The following KLHL8 variants were observed in gnomAD, a reference collection of about 807,000 sequenced individuals.
KLHL8 encodes the protein kelch like family member 8.
A neutral mutation model predicts 63.5 loss-of-function variants in KLHL8; 38 were observed. That is an observed-to-expected ratio of 0.60 (90% confidence interval 0.46 to 0.78). The LOEUF is 0.78. Among genes scored for constraint, KLHL8 ranks in the 30% least tolerant of loss-of-function variants. KLHL8 has a pLI of 0.00. For synonymous variants in KLHL8, 224 were observed against 254.3 expected (o/e 0.88, Z 1.13); for missense variants, 566 against 752.4 (o/e 0.75, Z 2.90).
At chr4:87,227,520 T>C (rs1369477265) in intron 1 of KLHL8, among the ~76,000 whole-genome samples, 1 of 152,198 alleles carries the variant, frequency 6.6e-6, no homozygotes, top group Admixed American at 6.5e-5. Context: ...GGTGTTGGTA[T>C]GTACCTATAG....
intron 1 of KLHL8, among the ~76,000 whole-genome samples, chr4:87,231,483 TCCCACCTGTGAACAGTAATGTTCAC>T (rs1443598303): frequency 5.5e-4 from 84 of 152,278 alleles, no homozygotes; most frequent in Middle Eastern, 6.8e-3. Flanking sequence ...GATGTGATAA[TCCCACCTGTGAACAGTAATGTTCAC>T]CCCACCTGTG....
chr4:87,237,346 A>G (rs1221413062), intron 1 of KLHL8, among the ~76,000 whole-genome samples: 1 of 152,258 alleles, frequency 6.6e-6, no homozygotes, highest in Non-Finnish European at 1.5e-5. Context: ...TAAATAAATA[A>G]TGAGATACTT....
chr4:87,211,070 T>C (rs1732386471), intron 1 of KLHL8, among the ~76,000 whole-genome samples: 1 of 152,208 alleles, frequency 6.6e-6, no homozygotes, highest in African/African-American at 2.4e-5. Context: ...TTCACTGCTA[T>C]TACTCCCATG....
In KLHL8 at chr4:87,170,112, C is replaced by T. The variant is rs1010986375; in HGVS notation, c.1504G>A (p.Val502Ile). Residue 502 changes from valine (V) to isoleucine (I), a missense_variant, in exon 8 of 10, where the codon GTT (valine) becomes ATT (isoleucine). Val to Ile is a conservative substitution (Grantham distance 29). Transcript: ENST00000273963. Reference protein sequence around the residue: ...EMGQRRAGNGVSKLHGCLYVV... With the variant: ...EMGQRRAGNGISKLHGCLYVV... ...TATAAGCAACCATGAAGCTTGCTAA[C>T]TCCATTGCCTGCTCTTCGCTGACCC... is the stretch of plus-strand genomic sequence containing the variant. 2 of 1,613,994 alleles carry T rather than the reference C, an allele frequency of 1.2e-6. No individual in the cohort carries two copies. Among genetic ancestry groups the T allele is most frequent in the African/African-American group, 2.7e-5 (2 of 74,930 alleles).
At chr4:87,165,612 G>T (rs1730368359) in intron 8 of KLHL8, among the ~76,000 whole-genome samples, 1 of 151,420 alleles carries the variant, frequency 6.6e-6, no homozygotes, top group Non-Finnish European at 1.5e-5. Context: ...GCTCAGTCTG[G>T]TTTTGAACTC....
chr4:87,163,659 G>A lies in KLHL8; in HGVS notation c.1740-17C>T. The A allele has an allele frequency of 6.2e-7, 1 of 1,609,620 alleles. No individual in the cohort carries two copies. Among genetic ancestry groups the A allele is most frequent in the Middle Eastern group, 1.7e-4 (1 of 6,036 alleles). ...AGCTCCCACCTGAAAAGACGGAGAA[G>A]AAAAAATGTTACAAAGCATAATTTA... On this transcript the variant is annotated splice_polypyrimidine_tract_variant and intron_variant, in intron 9 of 9. Transcript: ENST00000273963.
intron 2 of KLHL8, among the ~76,000 whole-genome samples, chr4:87,186,378 C>T (rs1302623177): frequency 1.3e-5 from 2 of 151,812 alleles, no homozygotes; most frequent in African/African-American, 4.8e-5. Context: ...AACATACACA[C>T]AACAAACCAT....
chr4:87,219,750 G>A (rs561183720), intron 1 of KLHL8: 299 of 152,660 alleles, frequency 2.0e-3, no homozygotes, highest in Non-Finnish European at 3.5e-3. Context: ...GGGCGGCTGA[G>A]CGTCTAGAAA....
chr4:87,208,581 T>C (rs1206782894), intron 1 of KLHL8, among the ~76,000 whole-genome samples: 1 of 151,584 alleles, frequency 6.6e-6, no homozygotes, highest in Non-Finnish European at 1.5e-5. Flanking sequence ...CAGGCCATCT[T>C]CCCCCCTGGG....
intron 2 of KLHL8, among the ~76,000 whole-genome samples, chr4:87,186,918 GTTTT>G (rs953987159): frequency 2.0e-5 from 3 of 150,714 alleles, no homozygotes; most frequent in South Asian, 2.1e-4. Flanking sequence ...CTCAACTGAG[GTTTT>G]TTTTTATTTT....
intron 1 of KLHL8, chr4:87,219,523 T>A (rs1732735389): frequency 6.6e-6 from 1 of 152,150 alleles, no homozygotes; most frequent in Non-Finnish European, 1.5e-5. Context: ...GTTATGCCAT[T>A]AACACAGATG....
intron 8 of KLHL8, among the ~76,000 whole-genome samples, chr4:87,168,864 A>G (rs923914867): frequency 1.5e-4 from 23 of 149,756 alleles, no homozygotes; most frequent in African/African-American, 5.6e-4. Flanking sequence ...TTGGGTCTGT[A>G]CCTTCATCCT....
At chr4:87,238,998 A>G (rs76884013) in intron 1 of KLHL8, among the ~76,000 whole-genome samples, 2 of 152,298 alleles carry the variant, frequency 1.3e-5, no homozygotes, top group East Asian at 3.9e-4. Flanking sequence ...CGAGACACCT[A>G]TTTTAAATTC....
chr4:87,220,147 T>G (rs1358326239), intron 1 of KLHL8: 1 of 152,304 alleles, frequency 6.6e-6, no homozygotes. Context: ...ATAACCCTGC[T>G]CCTCCCGCCA....
chr4:87,167,194 C>A, intron 8 of KLHL8: 7 of 535,578 alleles, frequency 1.3e-5, no homozygotes, highest in South Asian at 3.2e-5. Context: ...TATCCACCCC[C>A]ACACTAAGTC....
chr4:87,187,023 G>A (rs938136133), intron 2 of KLHL8, among the ~76,000 whole-genome samples: 3 of 150,614 alleles, frequency 2.0e-5, no homozygotes, highest in Admixed American at 1.3e-4. Context: ...TGAAAAATCA[G>A]ATAGCTTCCA....
chr4:87,207,565 G>A, intron 1 of KLHL8: 1 of 1,147,018 alleles, frequency 8.7e-7, no homozygotes. Flanking sequence ...AGCGCCCCTG[G>A]CCAATGTCAT....
At chr4:87,203,535 G>GGA (rs1560710579) in intron 1 of KLHL8, among the ~76,000 whole-genome samples, 3 of 75,746 alleles carry the variant, frequency 4.0e-5, no homozygotes, top group African/African-American at 1.5e-4. Context: ...TCTCACAAAA[G>GGA]AAAAAAAAAA....
At chr4:87,216,788 A>G (rs1016157782) in intron 1 of KLHL8, among the ~76,000 whole-genome samples, 7 of 152,240 alleles carry the variant, frequency 4.6e-5, no homozygotes, top group African/African-American at 2.4e-5. Flanking sequence ...AATATCCACC[A>G]GAAAATAAAT....
Sources: gnomAD v4.1 joint callset for allele counts (sites outside exome capture counted in the v4.1 genomes callset) on GRCh38, gnomAD v4.1.1 for gene constraint, MANE v1.5 for transcripts, NCBI Gene and HGNC (gene_info 2026-07-23, HGNC 2026-07-21) for gene names.